Variants in LHFPL3 observed in about 807,000 individuals in gnomAD.
LHFPL3 encodes the protein LHFPL tetraspan subfamily member 3 protein.
Under a neutral mutation model 19.3 loss-of-function variants are expected in LHFPL3, and 5 were observed. That is an observed-to-expected ratio of 0.26 (90% CI 0.14 to 0.54). LHFPL3 has a LOEUF of 0.54. Among genes scored for constraint, LHFPL3 ranks in the 20% least tolerant of loss-of-function variants. The pLI is 0.94. For missense variants in LHFPL3, 249 were observed against 307.4 expected (o/e 0.81, Z 1.42); for synonymous variants, 133 against 126.2 (o/e 1.05, Z -0.36).
At chr7:104,679,395 T>G (rs187507236) in intron 1 of LHFPL3, among the ~76,000 whole-genome samples, 1 of 152,238 alleles carries the variant, frequency 6.6e-6, no homozygotes, top group Admixed American at 6.5e-5. Flanking sequence ...TTCCACCTTG[T>G]TCTGTTTATT....
At chr7:104,699,302 A>G (rs570455760) in intron 1 of LHFPL3, among the ~76,000 whole-genome samples, 12 of 152,386 alleles carry the variant, frequency 7.9e-5, no homozygotes, top group Non-Finnish European at 1.5e-4. Flanking sequence ...AGATGAATGT[A>G]TAAGCAATAT....
At chr7:104,341,132 T>A (rs914368579) in intron 1 of LHFPL3, among the ~76,000 whole-genome samples, 10 of 152,200 alleles carry the variant, frequency 6.6e-5, no homozygotes, top group African/African-American at 1.9e-4. Context: ...CTATTCGAAA[T>A]TTAACTATAA....
chr7:104,878,055 T>G (rs901505022), intron 2 of LHFPL3, among the ~76,000 whole-genome samples: 3 of 152,000 alleles, frequency 2.0e-5, no homozygotes, highest in African/African-American at 7.2e-5. Flanking sequence ...GGCTGGTCTT[T>G]AACTCCTGAG....
intron 1 of LHFPL3, among the ~76,000 whole-genome samples, chr7:104,503,576 T>C: frequency 6.6e-6 from 1 of 152,284 alleles, no homozygotes; most frequent in East Asian, 1.9e-4. Context: ...TTTAATATTT[T>C]CTTTTTCTTT....
intron 1 of LHFPL3, among the ~76,000 whole-genome samples, chr7:104,363,110 C>T (rs988689851): frequency 1.1e-4 from 16 of 152,194 alleles, no homozygotes; most frequent in Non-Finnish European, 1.8e-4. Flanking sequence ...CAGTCTTCTC[C>T]TCAAGGGAGA....
At chr7:104,585,854 G>A (rs1790565088) in intron 1 of LHFPL3, among the ~76,000 whole-genome samples, 1 of 151,910 alleles carries the variant, frequency 6.6e-6, no homozygotes, top group African/African-American at 2.4e-5. Context: ...TGGTACCCAA[G>A]GATTTCATTT....
chr7:104,899,729 T>A (rs2116725500), intron 2 of LHFPL3, among the ~76,000 whole-genome samples: 2 of 152,294 alleles, frequency 1.3e-5, no homozygotes, highest in South Asian at 4.1e-4. Context: ...GATCACCCCC[T>A]AATTTATTAA....
At chr7:104,736,008 T>A (rs916585452) in intron 1 of LHFPL3, among the ~76,000 whole-genome samples, 26 of 152,354 alleles carry the variant, frequency 1.7e-4, no homozygotes, top group Admixed American at 1.4e-3. Flanking sequence ...GATTGCTGAA[T>A]CATATTGTGG....
At chr7:104,593,805 G>C (rs1321435022) in intron 1 of LHFPL3, among the ~76,000 whole-genome samples, 1 of 151,970 alleles carries the variant, frequency 6.6e-6, no homozygotes, top group Non-Finnish European at 1.5e-5. Flanking sequence ...GGCCTTCTTT[G>C]TCTCTTTTGA....
intron 1 of LHFPL3, among the ~76,000 whole-genome samples, chr7:104,558,192 C>G (rs1190953156): frequency 6.6e-6 from 1 of 151,400 alleles, no homozygotes; most frequent in African/African-American, 2.4e-5. Flanking sequence ...GGGTATATAC[C>G]CAGTAATGGG....
intron 1 of LHFPL3, among the ~76,000 whole-genome samples, chr7:104,542,039 T>C (rs1365281632): frequency 1.3e-5 from 2 of 151,892 alleles, no homozygotes; most frequent in Non-Finnish European, 2.9e-5. Flanking sequence ...AGTGGGCATC[T>C]CAGTGCAGTG....
At chr7:104,437,505 C>T (rs1375262255) in intron 1 of LHFPL3, among the ~76,000 whole-genome samples, 1 of 152,148 alleles carries the variant, frequency 6.6e-6, no homozygotes, top group Non-Finnish European at 1.5e-5. Flanking sequence ...AGGTTTCCGT[C>T]CCACAAGACT....
chr7:104,565,333 C>T (rs774072663), intron 1 of LHFPL3, among the ~76,000 whole-genome samples: 7 of 152,142 alleles, frequency 4.6e-5, no homozygotes, highest in Non-Finnish European at 1.5e-5. Flanking sequence ...AAGTTCTGTG[C>T]TTTAAATAGT....
intron 1 of LHFPL3, among the ~76,000 whole-genome samples, chr7:104,454,409 TTG>T (rs1792501772): frequency 6.6e-6 from 1 of 152,190 alleles, no homozygotes; most frequent in East Asian, 1.9e-4. Flanking sequence ...GGTATTATTG[TTG>T]TCACTGGTCA....
chr7:104,885,589 G>C (rs73184020), intron 2 of LHFPL3, among the ~76,000 whole-genome samples: 1 of 151,724 alleles, frequency 6.6e-6, no homozygotes. Context: ...CCTTAAAAAC[G>C]CATCTTAAAT....
At chr7:104,332,556 A>G (rs1208638215) in intron 1 of LHFPL3, among the ~76,000 whole-genome samples, 2 of 152,166 alleles carry the variant, frequency 1.3e-5, no homozygotes, top group African/African-American at 2.4e-5. Context: ...GTGATACATT[A>G]AGATGATGAA....
intron 1 of LHFPL3, among the ~76,000 whole-genome samples, chr7:104,376,351 G>A (rs1446855433): frequency 6.6e-6 from 1 of 152,208 alleles, no homozygotes; most frequent in African/African-American, 2.4e-5. Context: ...TTTTCAGGTA[G>A]TGATAATTTC....
intron 1 of LHFPL3, among the ~76,000 whole-genome samples, chr7:104,495,186 C>T (rs1258874601): frequency 6.6e-6 from 1 of 152,140 alleles, no homozygotes; most frequent in East Asian, 1.9e-4. Context: ...CAAACAGTCA[C>T]TACCTTCTTT....
intron 1 of LHFPL3, among the ~76,000 whole-genome samples, chr7:104,567,984 G>A (rs746615379): frequency 6.6e-6 from 1 of 152,318 alleles, no homozygotes; most frequent in Non-Finnish European, 1.5e-5. Context: ...CCCAAGAGCT[G>A]TGCTTTTCCA....
Sources: gnomAD v4.1 joint callset for allele counts (sites outside exome capture counted in the v4.1 genomes callset) on GRCh38, gnomAD v4.1.1 for gene constraint, MANE v1.5 for transcripts, NCBI Gene and HGNC (gene_info 2026-07-23, HGNC 2026-07-21) for gene names.